SH3PXD2A: variants seen among roughly 807,000 people sequenced by gnomAD.
The protein encoded by SH3PXD2A is SH3 and PX domain-containing protein 2A.
Under a neutral mutation model 115.2 loss-of-function variants are expected in SH3PXD2A, and 32 were observed. That is an observed-to-expected ratio of 0.28 (90% CI 0.21 to 0.37). SH3PXD2A has a LOEUF of 0.37. SH3PXD2A is among the 10% of genes least tolerant of loss of function. The probability of loss-of-function intolerance (pLI) is 1.00; values close to 1 mark genes in which losing one functional copy is unlikely to be tolerated. For synonymous variants in SH3PXD2A, 610 were observed against 629.1 expected, an observed-to-expected ratio of 0.97 and a Z score of 0.45; for missense variants, 1,328 against 1,498.7, an observed-to-expected ratio of 0.89 and a Z score of 1.88.
intron 1 of SH3PXD2A, among the ~76,000 whole-genome samples, chr10:103,850,365 G>T (rs1159436128): frequency 6.6e-6 from 1 of 152,200 alleles, no homozygotes; most frequent in Non-Finnish European, 1.5e-5. Context: ...CTTGAAGGGT[G>T]TGGTTGGTTG....
chr10:103,662,043 T>TCTGGAA, intron 7 of SH3PXD2A: 1 of 718,892 alleles, frequency 1.4e-6, no homozygotes, highest in Non-Finnish European at 1.7e-6. Flanking sequence ...GAGGGCCCTC[T>TCTGGAA]GGCTGCAGAG....
intron 1 of SH3PXD2A, among the ~76,000 whole-genome samples, chr10:103,849,227 C>T (rs1320575862): frequency 1.3e-5 from 2 of 152,112 alleles, no homozygotes; most frequent in Non-Finnish European, 2.9e-5. Flanking sequence ...GTGTCAGAGA[C>T]CAGGGTGAGA....
Position 103,660,987 on chromosome 10 carries a change from C to A in SH3PXD2A, c.600G>T (p.Glu200Asp), listed in dbSNP as rs1564856867. Residue 200 changes from glutamate to aspartate, a missense_variant, in exon 8 of 15, where the codon GAG (glutamate) becomes GAT (aspartate). Around this residue, in one of 5 missense-constraint regions of SH3PXD2A, gnomAD observed 509 missense variants for 628.3 expected, o/e 0.81. Coordinates refer to ENST00000369774, the MANE Select transcript of SH3PXD2A (RefSeq NM_001394015.1). ...GEVVDVIEKN[E>D]SGWWFVSTSE... The stretch of plus-strand genomic sequence containing the variant: ...GCCATTGGCCAGGGCACTCACCGCT[C>A]TCGTTCTTCTCGATGACATCCACCA... 1 of 1,613,942 alleles carries A rather than the reference C, an allele frequency of 6.2e-7. No homozygotes were observed. Among genetic ancestry groups the A allele is most frequent in the Non-Finnish European group, 8.5e-7 (1 of 1,179,930 alleles).
At chr10:103,849,914 G>A (rs1361053752) in intron 1 of SH3PXD2A, among the ~76,000 whole-genome samples, 1 of 152,146 alleles carries the variant, frequency 6.6e-6, no homozygotes, top group Non-Finnish European at 1.5e-5. Context: ...ACTACCATGT[G>A]TATAACTCTA....
At chr10:103,645,072 C>T (rs777583695) in intron 8 of SH3PXD2A, among the ~76,000 whole-genome samples, 1 of 152,194 alleles carries the variant, frequency 6.6e-6, no homozygotes, top group African/African-American at 2.4e-5. Context: ...CCCTGACTCC[C>T]CTGCCAGCCA....
chr10:103,737,750 C>T (rs1250363340), intron 3 of SH3PXD2A, among the ~76,000 whole-genome samples: 2 of 152,162 alleles, frequency 1.3e-5, no homozygotes, highest in Non-Finnish European at 2.9e-5. Context: ...AGGTAGAAGG[C>T]CCTAGTGGCT....
chr10:103,718,823 T>G (rs1349694356), intron 5 of SH3PXD2A, among the ~76,000 whole-genome samples: 1 of 148,880 alleles, frequency 6.7e-6, no homozygotes, highest in Non-Finnish European at 1.5e-5. Context: ...ATTCAACTGC[T>G]GACTTTCCAA....
intron 8 of SH3PXD2A, among the ~76,000 whole-genome samples, chr10:103,631,246 C>G (rs1184179789): frequency 6.6e-6 from 1 of 152,102 alleles, no homozygotes; most frequent in East Asian, 1.9e-4. Context: ...GCCTCGGTGA[C>G]AGGGCAAGAC....
At chr10:103,646,806 G>A (rs1459919348) in intron 8 of SH3PXD2A, among the ~76,000 whole-genome samples, 1 of 152,218 alleles carries the variant, frequency 6.6e-6, no homozygotes, top group Non-Finnish European at 1.5e-5. Flanking sequence ...CTATACCCTT[G>A]CTTGGTTGCT....
At chr10:103,850,636 A>G (rs1468831990) in intron 1 of SH3PXD2A, among the ~76,000 whole-genome samples, 3 of 152,080 alleles carry the variant, frequency 2.0e-5, no homozygotes, top group African/African-American at 7.2e-5. Flanking sequence ...ACCAGATCCC[A>G]ATGCTCAGCT....
chr10:103,692,683 G>C (rs1478668952), intron 6 of SH3PXD2A, among the ~76,000 whole-genome samples: 1 of 152,174 alleles, frequency 6.6e-6, no homozygotes, highest in Non-Finnish European at 1.5e-5. Flanking sequence ...CCGCAGCCCG[G>C]GGGTGAAGGA....
At chr10:103,613,890 C>G (rs1165922549) in intron 11 of SH3PXD2A, among the ~76,000 whole-genome samples, 1 of 152,092 alleles carries the variant, frequency 6.6e-6, no homozygotes, top group Non-Finnish European at 1.5e-5. Flanking sequence ...GGTGGATCCT[C>G]TATAGACTGT....
intron 5 of SH3PXD2A, among the ~76,000 whole-genome samples, chr10:103,708,542 A>T (rs2038009166): frequency 1.3e-5 from 2 of 152,172 alleles, no homozygotes; most frequent in Non-Finnish European, 2.9e-5. Context: ...TGAATGCCCC[A>T]GCACCCCTGC....
chr10:103,837,338 C>T (rs1351899887), intron 1 of SH3PXD2A, among the ~76,000 whole-genome samples: 1 of 152,164 alleles, frequency 6.6e-6, no homozygotes, highest in Non-Finnish European at 1.5e-5. Context: ...CCTAGCTCTA[C>T]CACTTGCTAG....
rs756826288 is a variant in SH3PXD2A, at chr10:103,602,761, T to G, written c.2457A>C (p.Ser819=). The G allele has an allele frequency of 2.0e-5, 32 of 1,613,616 alleles. No homozygotes were observed. Among genetic ancestry groups the G allele is most frequent in the Non-Finnish European group, 2.1e-5 (25 of 1,179,710 alleles). ...EAPSEGSRRS[S]SDLITLPATT... Reference sequence around the variant, plus strand: ...TGGCTGGGAGGGTGATGAGGTCGGATGAGCTTCTCCTAGACCCCTCACTGG... The same window carrying G: ...TGGCTGGGAGGGTGATGAGGTCGGAGGAGCTTCTCCTAGACCCCTCACTGG... The change falls in exon 15 of 15, where the codon TCA becomes TCC. Residue 819 remains serine (S), a synonymous_variant. Transcript: ENST00000369774.
chr10:103,850,190 C>T (rs947380772), intron 1 of SH3PXD2A, among the ~76,000 whole-genome samples: 5 of 152,194 alleles, frequency 3.3e-5, no homozygotes, highest in Admixed American at 1.3e-4. Context: ...GGGCTGGAAT[C>T]GGTCTCCTCT....
chr10:103,845,187 C>T (rs1275590146), intron 1 of SH3PXD2A, among the ~76,000 whole-genome samples: 3 of 151,528 alleles, frequency 2.0e-5, no homozygotes, highest in East Asian at 1.9e-4. Flanking sequence ...AAAAATTAGC[C>T]GGGCATGGTG....
chr10:103,623,300 C>G (rs1318441412), intron 9 of SH3PXD2A, among the ~76,000 whole-genome samples: 2 of 152,026 alleles, frequency 1.3e-5, no homozygotes, highest in Non-Finnish European at 2.9e-5. Context: ...TGCTCCTGAC[C>G]CCGTGCCCTG....
At chr10:103,646,331 G>A (rs754044448) in intron 8 of SH3PXD2A, among the ~76,000 whole-genome samples, 3 of 151,952 alleles carry the variant, frequency 2.0e-5, no homozygotes, top group Non-Finnish European at 4.4e-5. Flanking sequence ...GGTCTAGTAC[G>A]GATCCCACCC....
Sources: allele counts gnomAD v4.1 joint callset (sites outside exome capture counted in the v4.1 genomes callset), GRCh38; gene constraint gnomAD v4.1.1; regional missense constraint gnomAD v4.1.1; transcripts MANE v1.5; gene names NCBI Gene and HGNC (gene_info 2026-07-23, HGNC 2026-07-21).